RDH13: variants seen among roughly 807,000 people sequenced by gnomAD.
The protein encoded by RDH13 is retinol dehydrogenase 13.
Under a neutral mutation model 28.3 loss-of-function variants are expected in RDH13, and 35 were observed. The ratio of observed to expected loss-of-function variants is 1.24; its 90% CI spans 0.95 to 1.64. RDH13 has a LOEUF of 1.64. Ranked by LOEUF, RDH13 falls within the 40% of genes most tolerant of loss-of-function variation. The probability of loss-of-function intolerance (pLI) is 0.00; values close to 1 mark genes in which losing one functional copy is unlikely to be tolerated. For synonymous variants in RDH13, 229 were observed against 198.5 expected (o/e 1.15, Z -1.29); for missense variants, 514 against 446.3 (o/e 1.15, Z -1.37).
upstream of RDH13, among the ~76,000 whole-genome samples, chr19:55,067,887 C>T (rs112844468): frequency 9.7e-5 from 1 of 10,324 alleles, no homozygotes; most frequent in Non-Finnish European, 2.4e-4. Context: ...TCTCTCTCTC[C>T]CTCTTTCTCT....
upstream of RDH13, among the ~76,000 whole-genome samples, chr19:55,066,282 C>T (rs1490300858): frequency 1.3e-5 from 2 of 152,148 alleles, no homozygotes; most frequent in Admixed American, 1.3e-4. Flanking sequence ...GGGTGCTGTC[C>T]CAGGTGCTGA....
Position 55,058,002 on chromosome 19 carries a change from C to G in RDH13, c.184+1155G>C, listed in dbSNP as rs981381868. 3.4e-4 allele frequency among the ~76,000 whole-genome samples: 52 copies of G among 151,952 alleles called. 1 individual carries two copies. The highest frequency in any genetic ancestry group is 1.2e-3 in the African/African-American group (49 of 41,492). The stretch of plus-strand genomic sequence containing the variant: ...TGGTGTCCAGGCTGGTCTGGAACCC[C>G]TGGCCTCAAGTGATCCTCCTGCCTC... On this transcript the variant is annotated intron_variant, in intron 2 of 6. Transcript: ENST00000415061.
intron 1 of RDH13, among the ~76,000 whole-genome samples, chr19:55,061,159 G>A (rs1322581275): frequency 2.0e-5 from 3 of 151,860 alleles, no homozygotes; most frequent in Non-Finnish European, 2.9e-5. Flanking sequence ...ACAGAGTCTC[G>A]CTCTGTCGCC....
At chr19:55,060,319 T>G (rs918236514) in intron 1 of RDH13, among the ~76,000 whole-genome samples, 2 of 152,166 alleles carry the variant, frequency 1.3e-5, no homozygotes, top group Non-Finnish European at 2.9e-5. Context: ...AATGCTGCCT[T>G]GTTATTCTTT....
intron 6 of RDH13, chr19:55,046,339 T>G (rs983155603): frequency 6.6e-6 from 1 of 150,574 alleles, no homozygotes. Flanking sequence ...CTCAGCTCAC[T>G]GCAACCTCTG....
At chr19:55,044,140 G>C (rs575418207), downstream of RDH13, 3 of 151,894 alleles carry the variant, frequency 2.0e-5, no homozygotes, top group African/African-American at 7.3e-5. Flanking sequence ...GGATGGTCTC[G>C]ATCTCCTGAC....
chr19:55,059,919 CAAT>C (rs1369675805), intron 1 of RDH13, among the ~76,000 whole-genome samples: 1 of 152,172 alleles, frequency 6.6e-6, no homozygotes, highest in Non-Finnish European at 1.5e-5. Flanking sequence ...CTTGTTAACA[CAAT>C]GTTTCCAAGC....
rs2075278809 is a variant in RDH13, at chr19:55,047,502, AAAGAG to A, written c.659-19_659-15del. On this transcript the variant is annotated splice_polypyrimidine_tract_variant and intron_variant, in intron 5 of 6. Transcript: ENST00000415061. The stretch of plus-strand genomic sequence containing the variant: ...TCACACCAGAGCCTGGGGAAGAAAG[AAAGAG>A]AAGACTGAGGGAGGGGTCCAGCCTC... 6 of 1,599,598 alleles carry A rather than the reference AAAGAG, an allele frequency of 3.8e-6. No homozygotes were observed. Among genetic ancestry groups the A allele is most frequent in the Middle Eastern group, 3.3e-4 (2 of 6,042 alleles).
upstream of RDH13, chr19:55,063,210 C>A: frequency 2.1e-6 from 1 of 470,198 alleles, no homozygotes; most frequent in South Asian, 5.4e-5. Flanking sequence ...GCGGAGGGGG[C>A]GGGGATCCTA....
At chr19:55,059,013 CCT>C (rs1182999689) in intron 2 of RDH13, 142 bp downstream of exon 2, 7 of 637,128 alleles carry the variant, frequency 1.1e-5, no homozygotes, top group African/African-American at 3.6e-5. Flanking sequence ...ATCATATGCC[CCT>C]GTCTATAGAA....
intron 5 of RDH13, 56 bp downstream of exon 5, chr19:55,048,273 G>A (rs1391104438): frequency 3.1e-6 from 5 of 1,606,328 alleles, no homozygotes; most frequent in Non-Finnish European, 4.2e-6. Context: ...ATCATGGAAA[G>A]GCCGCTCTAG....
chr19:55,056,784 C>T lies in RDH13; in HGVS notation c.209G>A (p.Arg70Gln), dbSNP rs761374210. ...RRGGNIILAC[R>Q]DMEKCEAAAK... ...TGCCGCCTCACACTTCTCCATGTCT[C>T]GGCAGGCCAGGATGATGTTGCCTCC... The change falls in exon 3 of 7, where the codon CGA becomes CAA. Residue 70 changes from arginine (R) to glutamine (Q), a missense_variant. By Grantham distance (43) the Arg-to-Gln change is conservative. Coordinates refer to ENST00000415061, the MANE Select transcript of RDH13 (RefSeq NM_001145971.2). 15 of 1,613,862 alleles carry T rather than the reference C, an allele frequency of 9.3e-6. No individual in the cohort carries two copies. Among genetic ancestry groups the T allele is most frequent in the African/African-American group, 1.3e-5 (1 of 74,844 alleles).
chr19:55,061,724 G>T (rs941065473), intron 1 of RDH13, among the ~76,000 whole-genome samples: 4 of 151,724 alleles, frequency 2.6e-5, no homozygotes, highest in Admixed American at 6.6e-5. Flanking sequence ...CCCAGGGAGG[G>T]TGAGGCTGCA....
chr19:55,048,185 A>G (rs1369288118), intron 5 of RDH13, 144 bp downstream of exon 5: 24 of 1,536,664 alleles, frequency 1.6e-5, no homozygotes, highest in Non-Finnish European at 4.4e-6. Context: ...AGGCACCAGA[A>G]GCGGGCAGCG....
Position 55,050,306 on chromosome 19 carries a change from G to A in RDH13, c.341-1543C>T, listed in dbSNP as rs566476253. ...AATTTTTTGTATCTTTAGTAGAGAC[G>A]GGGCTTCACCATGTTGGCCAGGCTA... On this transcript the variant is annotated intron_variant, in intron 3 of 6. Coordinates refer to ENST00000415061, the MANE Select transcript of RDH13 (RefSeq NM_001145971.2). 1.1e-4 allele frequency among the ~76,000 whole-genome samples: 17 copies of A among 152,004 alleles called. No individual in the cohort carries two copies. The South Asian group carries it at 2.7e-3, about 24-fold the overall frequency.
chr19:55,047,443 G>C lies in RDH13; in HGVS notation c.704C>G (p.Thr235Arg), dbSNP rs1338352965. The change falls in exon 6 of 7, where the codon ACA (threonine) becomes AGA (arginine). Residue 235 changes from threonine (T) to arginine (R), a missense_variant. Transcript: ENST00000415061. Reference sequence around the variant, plus strand: ...GATGCCCGTGTGTCTGCCCAGCTCTGTCCTGGCCACGCCGGGGTGCAGGGC... The same window carrying C: ...GATGCCCGTGTGTCTGCCCAGCTCTCTCCTGGCCACGCCGGGGTGCAGGGC... Reference protein sequence around the residue: ...VNALHPGVARTELGRHTGIHG... With the variant: ...VNALHPGVARRELGRHTGIHG... 3 of 1,611,074 alleles carry C rather than the reference G, an allele frequency of 1.9e-6. No individual in the cohort carries two copies. The highest frequency in any genetic ancestry group is 1.7e-6 in the Non-Finnish European group (2 of 1,179,956).
At chr19:55,060,890 C>T (rs1194783982) in intron 1 of RDH13, among the ~76,000 whole-genome samples, 2 of 152,154 alleles carry the variant, frequency 1.3e-5, no homozygotes, top group Non-Finnish European at 2.9e-5. Context: ...GTACGCATTA[C>T]CACAGACTTA....
chr19:55,062,906 CT>C, intron 1 of RDH13, 61 bp downstream of exon 1: 1 of 1,334,226 alleles, frequency 7.5e-7, no homozygotes, highest in South Asian at 1.7e-5. Flanking sequence ...TCTCCGCCGC[CT>C]TCCCGGCCCC....
upstream of RDH13, among the ~76,000 whole-genome samples, chr19:55,066,643 CCCTCTTT>C (rs773586523): frequency 1.7e-4 from 25 of 147,076 alleles, no homozygotes; most frequent in Non-Finnish European, 3.3e-4. Context: ...CTCTCTCTCT[CCCTCTTT>C]CTCTTTCTCT....
Sources: gnomAD v4.1 joint callset for allele counts (sites outside exome capture counted in the v4.1 genomes callset) on GRCh38, gnomAD v4.1.1 for gene constraint, MANE v1.5 for transcripts, NCBI Gene and HGNC (gene_info 2026-07-23, HGNC 2026-07-21) for gene names.